Variants in GNAZ observed in about 807,000 individuals in gnomAD.
The protein encoded by GNAZ is guanine nucleotide-binding protein G(z) subunit alpha.
In GNAZ, 3 loss-of-function variants were observed where a neutral mutation model predicts 25.4. The ratio of observed to expected loss-of-function variants is 0.12; its 90% confidence interval spans 0.05 to 0.30. The LOEUF is 0.30. Among genes scored for constraint, GNAZ ranks in the 10% least tolerant of loss-of-function variants. The pLI is 1.00. For synonymous variants in GNAZ, 211 were observed against 205.7 expected, an observed-to-expected ratio of 1.03 and a Z score of -0.22; for missense variants, 241 against 501.8, an observed-to-expected ratio of 0.48 and a Z score of 4.97.
At chr22:23,119,113 G>A (rs56339124) in intron 2 of GNAZ, among the ~76,000 whole-genome samples, 3,146 of 152,320 alleles carry the variant, frequency 0.021, 60 homozygotes, top group Admixed American at 0.058. Context: ...TCAAATAGAC[G>A]GCTCTGTTTT....
intron 1 of GNAZ, among the ~76,000 whole-genome samples, chr22:23,078,581 A>G (rs1298223833): frequency 6.6e-6 from 1 of 152,082 alleles, no homozygotes; most frequent in Non-Finnish European, 1.5e-5. Flanking sequence ...TCCTCCCAGG[A>G]TGGTGTGGAA....
intron 2 of GNAZ, among the ~76,000 whole-genome samples, chr22:23,111,370 G>C (rs1443156995): frequency 6.6e-6 from 1 of 152,222 alleles, no homozygotes; most frequent in Admixed American, 6.5e-5. Context: ...AAGCGCACTG[G>C]ACTCGGTTCC....
chr22:23,115,696 C>A (rs2069810675), intron 2 of GNAZ, among the ~76,000 whole-genome samples: 1 of 152,210 alleles, frequency 6.6e-6, no homozygotes, highest in African/African-American at 2.4e-5. Flanking sequence ...GCCACCCCTG[C>A]AAATGGAGGG....
Position 23,095,524 on chromosome 22 carries a change from G to A in GNAZ, c.-172G>A, listed in dbSNP as rs371654920. On this transcript the variant is annotated 5_prime_UTR_variant, in exon 2 of 3. Transcript: ENST00000615612. ...GCTGCACAGAGCGCCATGCCGGCTG[G>A]AGAAGAGGCGCTGGGGCAGGGGCTG... 2.0e-4 allele frequency: 135 copies of A among 688,986 alleles called. No homozygotes were observed. The South Asian group carries it at 2.5e-3, about 13-fold the overall frequency. 42.7% of individuals were successfully genotyped at this position (688,986 alleles called of 1,614,324 possible).
chr22:23,096,944 G>A (rs1025595041), intron 2 of GNAZ, among the ~76,000 whole-genome samples: 6 of 152,252 alleles, frequency 3.9e-5, no homozygotes, highest in Admixed American at 6.5e-5. Flanking sequence ...AGTGTGAAGC[G>A]GTGGGGGCTT....
At chr22:23,096,820 A>G (rs911318670) in intron 2 of GNAZ, among the ~76,000 whole-genome samples, 12 of 152,250 alleles carry the variant, frequency 7.9e-5, no homozygotes, top group Non-Finnish European at 1.8e-4. Flanking sequence ...AGATGGGGTT[A>G]AGAGCTGTTT....
In GNAZ at chr22:23,123,261, G is replaced by T; in HGVS notation, c.898G>T (p.Ala300Ser). 1 of 1,614,114 alleles carries T rather than the reference G, an allele frequency of 6.2e-7. No homozygotes were observed. Among genetic ancestry groups the T allele is most frequent in the Non-Finnish European group, 8.5e-7 (1 of 1,180,026 alleles). ...EYKGQNTYEEAAVYIQRQFED... is the reference protein window; with the variant it reads ...EYKGQNTYEESAVYIQRQFED... ...CAAGGGCCAGAACACGTACGAGGAG[G>T]CCGCTGTCTACATCCAGCGGCAGTT... Residue 300 changes from alanine to serine, a missense_variant, in exon 3 of 3, where the codon GCC becomes TCC. Coordinates refer to ENST00000615612, the MANE Select transcript of GNAZ (RefSeq NM_002073.4).
At chr22:23,075,295 A>G (rs545373004) in intron 1 of GNAZ, among the ~76,000 whole-genome samples, 1 of 152,264 alleles carries the variant, frequency 6.6e-6, no homozygotes, top group East Asian at 1.9e-4. Flanking sequence ...TCACCTTGGC[A>G]CCATGGCCCA....
At chr22:23,086,654 C>T (rs543403574) in intron 1 of GNAZ, among the ~76,000 whole-genome samples, 11 of 152,362 alleles carry the variant, frequency 7.2e-5, no homozygotes, top group African/African-American at 2.6e-4. Flanking sequence ...CCCACAGTTG[C>T]CCCTGACCTC....
intron 1 of GNAZ, among the ~76,000 whole-genome samples, chr22:23,075,976 CAT>C (rs1189322697): frequency 6.6e-6 from 1 of 152,154 alleles, no homozygotes; most frequent in African/African-American, 2.4e-5. Flanking sequence ...GAGTGGACCT[CAT>C]GTGCCCAGTG....
At position 23,080,955 on chromosome 22, in the gene GNAZ, C is replaced by G. The variant is rs571471942; in HGVS notation, c.-450+10385C>G. Among the ~76,000 whole-genome samples, 35 of 152,374 alleles carry G rather than the reference C, an allele frequency of 2.3e-4. 1 individual carries two copies. The highest frequency in any genetic ancestry group is 8.4e-4 in the African/African-American group (35 of 41,590). On this transcript the variant is annotated intron_variant, in intron 1 of 2. Transcript: ENST00000615612. ...AGGGCAGCGGGCACTCTCTAGAACC[C>G]CCTTGCCCTTCCACATGTATCCCTT...
chr22:23,119,486 C>T (rs1011744532), intron 2 of GNAZ, among the ~76,000 whole-genome samples: 1 of 152,226 alleles, frequency 6.6e-6, no homozygotes, highest in African/African-American at 2.4e-5. Context: ...AGGAACAAAC[C>T]CACGATGCAG....
At chr22:23,074,833 T>C (rs2068471796) in intron 1 of GNAZ, among the ~76,000 whole-genome samples, 4 of 152,086 alleles carry the variant, frequency 2.6e-5, no homozygotes, top group African/African-American at 4.8e-5. Context: ...GACTGAGCAA[T>C]GCAGGCACAG....
At chr22:23,081,619 T>G (rs993976147) in intron 1 of GNAZ, among the ~76,000 whole-genome samples, 14 of 151,414 alleles carry the variant, frequency 9.2e-5, no homozygotes, top group African/African-American at 2.9e-4. Flanking sequence ...GTCAGGAGTT[T>G]GAGACCAATG....
chr22:23,108,635 C>T lies in GNAZ; in HGVS notation c.723+12217C>T, dbSNP rs547045556. On this transcript the variant is annotated intron_variant, in intron 2 of 2. Transcript: ENST00000615612. ...GGAAGGAGATTGTCCAGGAGGTGCCCTCATGGGGCAGAACTCAGAGCCATA... is the reference window on the plus strand; with the variant it reads ...GGAAGGAGATTGTCCAGGAGGTGCCTTCATGGGGCAGAACTCAGAGCCATA... Among the ~76,000 whole-genome samples, 4 of 152,364 alleles carry T rather than the reference C, an allele frequency of 2.6e-5. No individual in the cohort carries two copies. The East Asian group carries it at 7.7e-4, about 29-fold the overall frequency.
At chr22:23,097,943 C>G (rs1193368503) in intron 2 of GNAZ, among the ~76,000 whole-genome samples, 1 of 152,264 alleles carries the variant, frequency 6.6e-6, no homozygotes, top group Non-Finnish European at 1.5e-5. Context: ...CATCCTTTGA[C>G]AGGCCGTGCC....
At chr22:23,099,596 G>T (rs536712697) in intron 2 of GNAZ, among the ~76,000 whole-genome samples, 1 of 152,356 alleles carries the variant, frequency 6.6e-6, no homozygotes, top group African/African-American at 2.4e-5. Flanking sequence ...GCTGGCGCTG[G>T]CGGGCCCCCA....
At chr22:23,086,592 C>T (rs1382005002) in intron 1 of GNAZ, among the ~76,000 whole-genome samples, 1 of 152,224 alleles carries the variant, frequency 6.6e-6, no homozygotes, top group Non-Finnish European at 1.5e-5. Context: ...GAGTCCCCTC[C>T]CTGACCCCAC....
intron 1 of GNAZ, among the ~76,000 whole-genome samples, chr22:23,077,855 C>T (rs115006809): frequency 1.5e-3 from 230 of 152,322 alleles, no homozygotes; most frequent in African/African-American, 5.2e-3. Flanking sequence ...CCCCTGTGAA[C>T]TGGTGGTACC....
Sources: gnomAD v4.1 joint callset for allele counts (sites outside exome capture counted in the v4.1 genomes callset) on GRCh38, gnomAD v4.1.1 for gene constraint, MANE v1.5 for transcripts, NCBI Gene and HGNC (gene_info 2026-07-23, HGNC 2026-07-21) for gene names.